Variants in SGMS1 observed in about 807,000 individuals in gnomAD.
SGMS1 encodes the protein phosphatidylcholine:ceramide cholinephosphotransferase 1.
A neutral mutation model predicts 46.2 loss-of-function variants in SGMS1; 13 were observed. The observed-to-expected ratio is 0.28, with a 90% CI of 0.18 to 0.45. SGMS1 has a LOEUF of 0.45. Ranked by LOEUF, SGMS1 falls within the 20% of genes least tolerant of loss-of-function variation. The pLI, the probability that SGMS1 is intolerant of heterozygous loss-of-function variation, is 1.00. For missense variants in SGMS1, 324 were observed against 519.9 expected (o/e 0.62, Z 3.66); for synonymous variants, 203 against 187.8 (o/e 1.08, Z -0.66).
chr10:50,549,740 G>A (rs565020571), intron 2 of SGMS1, among the ~76,000 whole-genome samples: 5 of 152,264 alleles, frequency 3.3e-5, no homozygotes, highest in African/African-American at 9.6e-5. Context: ...CACTAATTTG[G>A]TGACTCTGCT....
chr10:50,439,656 G>A (rs1223980517), intron 5 of SGMS1, among the ~76,000 whole-genome samples: 1 of 152,128 alleles, frequency 6.6e-6, no homozygotes, highest in East Asian at 1.9e-4. Context: ...ACTAAGTTTT[G>A]TGGCAAGAGG....
intron 3 of SGMS1, among the ~76,000 whole-genome samples, chr10:50,504,970 A>G (rs1236644563): frequency 6.6e-6 from 1 of 152,212 alleles, no homozygotes; most frequent in African/African-American, 2.4e-5. Flanking sequence ...CTGTAACCCC[A>G]GTACTTTGGG....
At chr10:50,570,198 C>T (rs1365345312) in intron 2 of SGMS1, among the ~76,000 whole-genome samples, 2 of 152,176 alleles carry the variant, frequency 1.3e-5, no homozygotes, top group Non-Finnish European at 2.9e-5. Context: ...AACCAGCCTT[C>T]CTTACTTGCA....
chr10:50,606,392 G>A (rs1156333669), intron 1 of SGMS1, among the ~76,000 whole-genome samples: 1 of 152,134 alleles, frequency 6.6e-6, no homozygotes, highest in Non-Finnish European at 1.5e-5. Flanking sequence ...GATGGATGGT[G>A]GAGATGGTTG....
At chr10:50,367,488 G>T (rs1360243651) in intron 6 of SGMS1, among the ~76,000 whole-genome samples, 1 of 152,078 alleles carries the variant, frequency 6.6e-6, no homozygotes, top group African/African-American at 2.4e-5. Flanking sequence ...CACCACTTGC[G>T]TGCCCACCAT....
intron 3 of SGMS1, among the ~76,000 whole-genome samples, chr10:50,468,694 T>A (rs1588843539): frequency 6.6e-6 from 1 of 152,250 alleles, no homozygotes; most frequent in Middle Eastern, 3.4e-3. Flanking sequence ...ATGCCACACC[T>A]GCATGAATAT....
chr10:50,586,235 A>G (rs956452899), intron 2 of SGMS1, among the ~76,000 whole-genome samples: 1 of 152,228 alleles, frequency 6.6e-6, no homozygotes, highest in African/African-American at 2.4e-5. Context: ...GACTTGCTAA[A>G]TTGAGCTGGA....
At chr10:50,424,418 T>TA (rs112261514) in intron 6 of SGMS1, among the ~76,000 whole-genome samples, 26,686 of 152,088 alleles carry the variant, frequency 0.18, 2,662 homozygotes, top group African/African-American at 0.26. Context: ...TTTTGCCTGT[T>TA]AAAAAAAGAA....
At chr10:50,370,059 C>T (rs1848410388) in intron 6 of SGMS1, among the ~76,000 whole-genome samples, 2 of 152,046 alleles carry the variant, frequency 1.3e-5, no homozygotes, top group Admixed American at 6.6e-5. Flanking sequence ...AAATTGGACA[C>T]CTATAAAGGG....
Position 50,467,717 on chromosome 10 carries a change from T to C in SGMS1, c.-497-785A>G, listed in dbSNP as rs1442585413. Among the ~76,000 whole-genome samples the C allele has an allele frequency of 4.6e-5, 7 of 152,196 alleles. No homozygotes were observed. In the South Asian group the frequency reaches 1.0e-3, roughly 23 times the overall value. On this transcript the variant is annotated intron_variant, in intron 3 of 10. Coordinates refer to ENST00000361781, the MANE Select transcript of SGMS1 (RefSeq NM_147156.4). ...TTGCCTGTTGGGCTAGGTATAATTA[T>C]TTAGGGATCTGTCTGGGAGTCTAAG...
intron 6 of SGMS1, among the ~76,000 whole-genome samples, chr10:50,392,471 G>A (rs936327298): frequency 5.9e-5 from 9 of 152,140 alleles, no homozygotes; most frequent in African/African-American, 9.7e-5. Flanking sequence ...ACAAGGTCGC[G>A]AGGTAGCAGT....
rs57835243 is a variant in SGMS1, at chr10:50,382,568, T to TACACACACACACACACACACAC, written c.-231-38245_-231-38224dup. ...GAAAACACACACACAAACACACACA[T>TACACACACACACACACACACAC]ACACACACACACACACACACACACA... On this transcript the variant is annotated intron_variant, in intron 6 of 10. Transcript: ENST00000361781. Among the ~76,000 whole-genome samples, 572 of 142,720 alleles carry TACACACACACACACACACACAC rather than the reference T, an allele frequency of 4.0e-3. 6 individuals are homozygous for TACACACACACACACACACACAC. Among genetic ancestry groups the TACACACACACACACACACACAC allele is most frequent in the African/African-American group, 0.014 (536 of 38,226 alleles). The allele number at this position is 142,720 out of a possible 152,430, so 93.6% of individuals were successfully genotyped here. A position where few individuals can be genotyped will look rare whatever the true frequency, so the allele number is the denominator to read the frequency against.
intron 1 of SGMS1, among the ~76,000 whole-genome samples, chr10:50,609,557 AT>A (rs1838729129): frequency 7.3e-6 from 1 of 136,990 alleles, no homozygotes; most frequent in Admixed American, 7.8e-5. Flanking sequence ...AAGGCATTAC[AT>A]ACCTTTTTGC....
chr10:50,574,941 C>A (rs1838367148), intron 2 of SGMS1, among the ~76,000 whole-genome samples: 2 of 67,778 alleles, frequency 3.0e-5, no homozygotes, highest in South Asian at 5.6e-4. Flanking sequence ...AAAGAATAAA[C>A]ATTTTAAAAG....
At chr10:50,314,239 A>C (rs1847303035) in intron 8 of SGMS1, among the ~76,000 whole-genome samples, 1 of 152,054 alleles carries the variant, frequency 6.6e-6, no homozygotes, top group African/African-American at 2.4e-5. Context: ...GCTTAAAAGA[A>C]AAAAGAGTGA....
intron 6 of SGMS1, among the ~76,000 whole-genome samples, chr10:50,413,276 GTGTATCTGA>G (rs374595416): frequency 7.2e-5 from 11 of 152,270 alleles, no homozygotes; most frequent in African/African-American, 2.6e-4. Context: ...TCCAGCAAAG[GTGTATCTGA>G]CTCTCAAACC....
At chr10:50,384,374 T>C (rs1447903791) in intron 6 of SGMS1, among the ~76,000 whole-genome samples, 2 of 150,828 alleles carry the variant, frequency 1.3e-5, no homozygotes, top group African/African-American at 5.0e-5. Flanking sequence ...ACTTTCTTTC[T>C]CTCTTTCTTT....
chr10:50,400,573 C>T (rs1248642627), intron 6 of SGMS1, among the ~76,000 whole-genome samples: 2 of 151,496 alleles, frequency 1.3e-5, no homozygotes, highest in African/African-American at 4.9e-5. Flanking sequence ...ACCTCAGCCT[C>T]CTGAGTAGCT....
intron 6 of SGMS1, among the ~76,000 whole-genome samples, chr10:50,352,224 G>A (rs768071192): frequency 6.6e-6 from 1 of 152,162 alleles, no homozygotes; most frequent in African/African-American, 2.4e-5. Context: ...CTGCTAAAAA[G>A]TGGACCCCCA....
Sources: gnomAD v4.1 joint callset for allele counts (sites outside exome capture counted in the v4.1 genomes callset) on GRCh38, gnomAD v4.1.1 for gene constraint, MANE v1.5 for transcripts, NCBI Gene and HGNC (gene_info 2026-07-23, HGNC 2026-07-21) for gene names.